The following EPS8 variants were observed in gnomAD, a reference collection of about 807,000 sequenced individuals.
EPS8 encodes the protein epidermal growth factor receptor kinase substrate 8.
In EPS8, 42 loss-of-function variants were observed where a neutral mutation model predicts 103.8. The ratio of observed to expected loss-of-function variants is 0.40; its 90% CI spans 0.32 to 0.52. The LOEUF (loss-of-function observed/expected upper bound fraction) is 0.52. Ranked by LOEUF, EPS8 falls within the 20% of genes least tolerant of loss-of-function variation. The pLI, the probability that EPS8 is intolerant of heterozygous loss-of-function variation, is 0.40. For missense variants in EPS8, 969 were observed against 1,005.1 expected, an observed-to-expected ratio of 0.96 and a Z score of 0.49; for synonymous variants, 344 against 344.6, an observed-to-expected ratio of 1.00 and a Z score of 0.02.
In EPS8 at chr12:15,669,685, G is replaced by A. The variant is rs777551955; in HGVS notation, c.345C>T (p.Ser115=). The change falls in exon 5 of 21, where the codon AGC becomes AGT. Residue 115 remains serine, a synonymous_variant. Transcript: ENST00000281172. ...TTGCCTTTGATTCTAAATCAATCAG[G>A]CTCACAGCTCTGTCATCCACTTGAA... ...MILQVDDRAV[S]LIDLESKNEL... is the part of the protein sequence containing the mutation. 2 of 1,607,250 alleles carry A rather than the reference G, an allele frequency of 1.2e-6. No individual in the cohort carries two copies. Among genetic ancestry groups the A allele is most frequent in the Non-Finnish European group, 1.7e-6 (2 of 1,177,802 alleles).
chr12:15,659,397 C>A (rs765769758), intron 10 of EPS8, among the ~76,000 whole-genome samples: 2 of 152,040 alleles, frequency 1.3e-5, no homozygotes, highest in Non-Finnish European at 2.9e-5. Flanking sequence ...AGGGAAAAAA[C>A]TGGATACAGG....
intron 13 of EPS8, among the ~76,000 whole-genome samples, chr12:15,652,840 GA>G (rs1000347902): frequency 6.6e-6 from 1 of 151,780 alleles, no homozygotes; most frequent in Non-Finnish European, 1.5e-5. Context: ...GAAAAATGGA[GA>G]AAAAAAATTA....
chr12:15,722,506 G>A (rs1946607882), intron 1 of EPS8, among the ~76,000 whole-genome samples: 1 of 152,196 alleles, frequency 6.6e-6, no homozygotes, highest in East Asian at 1.9e-4. Flanking sequence ...AAGATGCTAT[G>A]TAAAAGGATA....
In EPS8 at chr12:15,779,397, G is replaced by T. The variant is rs542039570; in HGVS notation, c.-22+9764C>A. The stretch of plus-strand genomic sequence containing the variant: ...TAAAATCATCTTATTGTACATTCAG[G>T]TCTAAAATTACCATCAACTTTAAAT... On this transcript the variant is annotated intron_variant, in intron 1 of 20. Transcript: ENST00000281172. This position sits in a 1 kb window ranked among gnomAD's most constrained non-coding sequence, Gnocchi z 4.3. Among the ~76,000 whole-genome samples, 1 of 152,192 alleles carries T rather than the reference G, an allele frequency of 6.6e-6. No individual in the cohort carries two copies. The highest frequency in any genetic ancestry group is 1.9e-4 in the East Asian group (1 of 5,176).
chr12:15,667,137 G>A (rs1159923907), intron 6 of EPS8, among the ~76,000 whole-genome samples: 1 of 152,128 alleles, frequency 6.6e-6, no homozygotes, highest in Non-Finnish European at 1.5e-5. Flanking sequence ...GTTTCTGTTT[G>A]GTTGCAAAGT....
At position 15,621,303 on chromosome 12, in the gene EPS8, T is replaced by C. The variant is rs74652091; in HGVS notation, c.*14A>G. 5.1e-5 allele frequency: 72 copies of C among 1,423,022 alleles called. No homozygotes were observed. In the African/African-American group the frequency reaches 7.7e-4, roughly 15 times the overall value. 88.1% of individuals were successfully genotyped at this position (1,423,022 alleles called of 1,614,324 possible). ...AATGCCAAAAACAATGGAGTTTAAA[T>C]ACAAACAAACAAATTAGTGACTGCT... On this transcript the variant is annotated 3_prime_UTR_variant, in exon 21 of 21. Coordinates refer to ENST00000281172, the MANE Select transcript of EPS8 (RefSeq NM_004447.6).
chr12:15,746,505 C>A (rs1946876752), intron 1 of EPS8, among the ~76,000 whole-genome samples: 1 of 152,098 alleles, frequency 6.6e-6, no homozygotes, highest in Non-Finnish European at 1.5e-5. Context: ...TTTTAAATAA[C>A]TTCCCCCTTC....
chr12:15,637,227 G>A (rs911282295), intron 17 of EPS8, among the ~76,000 whole-genome samples: 7 of 152,316 alleles, frequency 4.6e-5, no homozygotes, highest in Middle Eastern at 3.4e-3. Context: ...TGCCATGTTG[G>A]CCAGGCTGGT....
chr12:15,669,357 G>A (rs1945771318), intron 6 of EPS8, 30 bp downstream of exon 6: 1 of 1,586,630 alleles, frequency 6.3e-7, no homozygotes. Context: ...TCTGCTTAAA[G>A]AAGAAACAAA....
chr12:15,650,588 T>C (rs903681243), intron 14 of EPS8, among the ~76,000 whole-genome samples: 3 of 152,082 alleles, frequency 2.0e-5, no homozygotes, highest in South Asian at 2.1e-4. Flanking sequence ...GGGTGGGGGC[T>C]GACAGGCTAT....
Position 15,731,533 on chromosome 12 carries a change from G to C in EPS8, c.-21-48561C>G, listed in dbSNP as rs955173010. Among the ~76,000 whole-genome samples the C allele has an allele frequency of 6.6e-6, 1 of 152,046 alleles. No homozygotes were observed. Among genetic ancestry groups the C allele is most frequent in the Non-Finnish European group, 1.5e-5 (1 of 68,002 alleles). ...GGCTGGTCTCGAACTCCTGACTTCA[G>C]GTGATCCACCCACCTTGGCATCCCA... On this transcript the variant is annotated intron_variant, in intron 1 of 20. Transcript: ENST00000281172. The surrounding 1 kb of genome is among the most constrained non-coding windows in gnomAD (Gnocchi z 5.1).
intron 15 of EPS8, among the ~76,000 whole-genome samples, chr12:15,645,222 T>G (rs1382231717): frequency 6.6e-6 from 1 of 152,052 alleles, no homozygotes; most frequent in Non-Finnish European, 1.5e-5. Flanking sequence ...TACATTAAGT[T>G]TCATGAAACA....
intron 1 of EPS8, among the ~76,000 whole-genome samples, chr12:15,741,269 T>C (rs1348334180): frequency 6.6e-6 from 1 of 152,188 alleles, no homozygotes; most frequent in Non-Finnish European, 1.5e-5. Context: ...CTGTGACTCA[T>C]GTGCAGTCCT....
chr12:15,651,316 G>A (rs770598504), intron 13 of EPS8, among the ~76,000 whole-genome samples: 3 of 152,164 alleles, frequency 2.0e-5, no homozygotes, highest in Non-Finnish European at 4.4e-5. Flanking sequence ...AAAAATTTGT[G>A]TAAGAAGGGA....
At chr12:15,659,411 T>C (rs1238684272) in intron 10 of EPS8, among the ~76,000 whole-genome samples, 2 of 152,014 alleles carry the variant, frequency 1.3e-5, no homozygotes, top group Non-Finnish European at 2.9e-5. Flanking sequence ...ATACAGGAGA[T>C]GTTGAGAAAA....
At chr12:15,655,155 A>G (rs1415194728) in intron 12 of EPS8, among the ~76,000 whole-genome samples, 1 of 152,068 alleles carries the variant, frequency 6.6e-6, no homozygotes, top group Non-Finnish European at 1.5e-5. Flanking sequence ...GTATTTGTAC[A>G]TGCTGTTCCC....
At position 15,704,664 on chromosome 12, in the gene EPS8, G is replaced by GATGGATGGT. The variant is rs1337115169; in HGVS notation, c.-21-21693_-21-21692insACCATCCAT. 6.6e-6 allele frequency among the ~76,000 whole-genome samples: 1 copy of GATGGATGGT among 152,112 alleles called. No individual in the cohort carries two copies. Among genetic ancestry groups the GATGGATGGT allele is most frequent in the East Asian group, 1.9e-4 (1 of 5,200 alleles). ...CTAGAGATGGATGGTCATGATGGCT[G>GATGGATGGT]CACAACAATGTGAATACACTTAATG... On this transcript the variant is annotated intron_variant, in intron 1 of 20. Transcript: ENST00000281172. The surrounding 1 kb of genome is among the most constrained non-coding windows in gnomAD (Gnocchi z 4.6).
intron 12 of EPS8, chr12:15,657,834 C>T (rs1213972798): frequency 7.6e-6 from 3 of 396,838 alleles, no homozygotes; most frequent in Non-Finnish European, 1.4e-5. Flanking sequence ...ATCTTTATTT[C>T]TTTTCATATC....
At chr12:15,656,750 A>G (rs1945514338) in intron 12 of EPS8, among the ~76,000 whole-genome samples, 3 of 152,094 alleles carry the variant, frequency 2.0e-5, no homozygotes, top group African/African-American at 7.2e-5. Context: ...CTCAATTTTG[A>G]TATGTTTAAA....
Sources: allele counts gnomAD v4.1 joint callset (sites outside exome capture counted in the v4.1 genomes callset), GRCh38; gene constraint gnomAD v4.1.1; non-coding constraint Gnocchi (gnomAD v3.1); transcripts MANE v1.5; gene names NCBI Gene and HGNC (gene_info 2026-07-23, HGNC 2026-07-21).